Variants in KLF8 observed in about 807,000 individuals in gnomAD.
KLF8 encodes Krueppel-like factor 8.
Under a neutral mutation model 18.2 loss-of-function variants are expected in KLF8, and 10 were observed. The ratio of observed to expected loss-of-function variants is 0.55; its 90% CI spans 0.34 to 0.93. The LOEUF is 0.93. Ranked by LOEUF, KLF8 falls within the 40% of genes least tolerant of loss-of-function variation. The probability of loss-of-function intolerance (pLI) is 0.02; values close to 1 mark genes in which losing one functional copy is unlikely to be tolerated. For missense variants in KLF8, 264 were observed against 277.9 expected (o/e 0.95, Z 0.36); for synonymous variants, 109 against 97.3 (o/e 1.12, Z -0.71).
At chrX:56,045,890 G>A in the KLF8 span, among the ~76,000 whole-genome samples, 1 of 111,616 alleles carries the variant, frequency 9.0e-6, no homozygotes, top group Non-Finnish European at 1.9e-5. Flanking sequence ...ATGTTGAATA[G>A]AAGTGGTGAA....
chrX:56,267,610 G>A (rs921760088), intron 3 of KLF8: 1 of 110,083 alleles, frequency 9.1e-6, no homozygotes, highest in Non-Finnish European at 1.9e-5. Flanking sequence ...TAAACCTTAG[G>A]GGGCACATAT....
the KLF8 span, among the ~76,000 whole-genome samples, chrX:56,027,587 G>A: frequency 8.9e-6 from 1 of 112,375 alleles, no homozygotes; most frequent in Admixed American, 9.4e-5. Context: ...GGGCTGAAGT[G>A]CCCTGAGGCA....
At chrX:56,112,471 A>T in the KLF8 span, among the ~76,000 whole-genome samples, 1 of 111,837 alleles carries the variant, frequency 8.9e-6, no homozygotes. Flanking sequence ...CCAGAACTTA[A>T]AGTATAATAA....
chrX:56,287,194 G>A lies in KLF8; in HGVS notation c.*2700G>A, dbSNP rs973405727. ...AAAATGTTTCTGTAACATAATGACA[G>A]CCTTTATGTTTGTTAATTGCCTATA... On this transcript the variant is annotated 3_prime_UTR_variant, in exon 6 of 6. Transcript: ENST00000468660. The A allele has an allele frequency of 1.8e-5, 2 of 111,728 alleles. No individual in the cohort carries two copies. Among genetic ancestry groups the A allele is most frequent in the African/African-American group, 6.5e-5 (2 of 30,743 alleles). The allele number at this position is 111,728 out of a possible 1,213,427, so 9.2% of individuals were successfully genotyped here.
chrX:56,068,384 G>A, the KLF8 span, among the ~76,000 whole-genome samples: 1 of 110,878 alleles, frequency 9.0e-6, no homozygotes, highest in African/African-American at 3.3e-5. Flanking sequence ...GTTTTACCAA[G>A]CAACACCTGG....
the KLF8 span, among the ~76,000 whole-genome samples, chrX:56,026,175 G>A: frequency 2.7e-5 from 3 of 111,677 alleles, no homozygotes; most frequent in Non-Finnish European, 3.8e-5. Flanking sequence ...GATTCCTTCC[G>A]CCTTTACAGC....
the KLF8 span, among the ~76,000 whole-genome samples, chrX:55,989,742 C>G: frequency 8.9e-6 from 1 of 112,070 alleles, no homozygotes; most frequent in African/African-American, 3.3e-5. Context: ...AGGATTCCCT[C>G]TTTTTCAATT....
the KLF8 span, among the ~76,000 whole-genome samples, chrX:55,964,951 G>A: frequency 9.0e-6 from 1 of 111,316 alleles, no homozygotes; most frequent in Admixed American, 9.5e-5. Flanking sequence ...CCACTGGAAG[G>A]ATTCACAGCT....
At chrX:55,935,425 A>T in the KLF8 span, among the ~76,000 whole-genome samples, 1 of 112,352 alleles carries the variant, frequency 8.9e-6, no homozygotes, top group African/African-American at 3.2e-5. Context: ...TTAACAAGAT[A>T]TCAAGTGATT....
the KLF8 span, among the ~76,000 whole-genome samples, chrX:56,157,572 G>A: frequency 9.1e-6 from 1 of 110,090 alleles, no homozygotes; most frequent in Admixed American, 9.6e-5. Context: ...ACTTTTTAAC[G>A]ATCGTCATTG....
Position 56,270,172 on chromosome X carries a change from C to T in KLF8, c.759-10C>T. 1 of 1,198,364 alleles carries T rather than the reference C, an allele frequency of 8.3e-7. No individual in the cohort carries two copies. The highest frequency in any genetic ancestry group is 1.1e-6 in the Non-Finnish European group (1 of 889,207). On this transcript the variant is annotated splice_polypyrimidine_tract_variant and intron_variant, in intron 4 of 5. Coordinates refer to ENST00000468660, the MANE Select transcript of KLF8 (RefSeq NM_007250.5). ...TCACTGTTTGGCTTTATCTCTATTTCTTTGATCAGACCAGCAGCAATGGCC... is the reference window on the plus strand; with the variant it reads ...TCACTGTTTGGCTTTATCTCTATTTTTTTGATCAGACCAGCAGCAATGGCC...
chrX:56,185,580 T>A, the KLF8 span, among the ~76,000 whole-genome samples: 10 of 111,112 alleles, frequency 9.0e-5, no homozygotes, highest in South Asian at 3.0e-3. Flanking sequence ...TGTCAGATTC[T>A]CCAAAGTTGA....
chrX:56,171,761 C>T, the KLF8 span, among the ~76,000 whole-genome samples: 1 of 111,815 alleles, frequency 8.9e-6, no homozygotes, highest in Non-Finnish European at 1.9e-5. Flanking sequence ...TTTTCTTAAT[C>T]CAGTCTATCA....
At chrX:55,938,457 C>T in the KLF8 span, among the ~76,000 whole-genome samples, 137 of 111,560 alleles carry the variant, frequency 1.2e-3, no homozygotes, top group African/African-American at 4.2e-3. Flanking sequence ...TAGGAAGAAA[C>T]GGCATCAACT....
At chrX:55,989,461 C>T in the KLF8 span, among the ~76,000 whole-genome samples, 2 of 112,269 alleles carry the variant, frequency 1.8e-5, no homozygotes, top group African/African-American at 6.5e-5. Context: ...TTGAGATAGT[C>T]ATGTGGTTTT....
chrX:56,024,068 T>TTAC, the KLF8 span, among the ~76,000 whole-genome samples: 1 of 112,144 alleles, frequency 8.9e-6, no homozygotes, highest in South Asian at 3.7e-4. Flanking sequence ...AAGGAAGCTG[T>TTAC]AACAAATTAC....
At chrX:56,035,972 G>C in the KLF8 span, among the ~76,000 whole-genome samples, 1 of 111,910 alleles carries the variant, frequency 8.9e-6, no homozygotes, top group Admixed American at 9.4e-5. Context: ...AATCTTATTA[G>C]TTTGATATAA....
chrX:56,216,705 C>T, the KLF8 span, among the ~76,000 whole-genome samples: 1 of 110,288 alleles, frequency 9.1e-6, no homozygotes, highest in African/African-American at 3.3e-5. Context: ...ACTATAAACT[C>T]CTGTATAGTG....
the KLF8 span, among the ~76,000 whole-genome samples, chrX:56,147,177 A>T: frequency 1.8e-5 from 2 of 112,418 alleles, no homozygotes; most frequent in African/African-American, 6.5e-5. Context: ...GAGGAGAAAC[A>T]GACTTTCATA....
Sources: allele counts gnomAD v4.1 joint callset (sites outside exome capture counted in the v4.1 genomes callset), GRCh38; gene constraint gnomAD v4.1.1; transcripts MANE v1.5; gene names NCBI Gene and HGNC (gene_info 2026-07-23, HGNC 2026-07-21).